Variants in MAD1L1 observed in about 807,000 individuals in gnomAD.
MAD1L1 encodes mitotic arrest deficient 1 like 1, also known as mitotic spindle assembly checkpoint protein MAD1.
MAD1L1 carries 95 observed loss-of-function variants against 96.9 expected under a neutral mutation model. The observed-to-expected ratio is 0.98, with a 90% CI of 0.83 to 1.16. The LOEUF is 1.16. MAD1L1 is among the 50% of genes most tolerant of loss of function. The pLI, the probability that MAD1L1 is intolerant of heterozygous loss-of-function variation, is 0.00. For synonymous variants in MAD1L1, 473 were observed against 396.6 expected (o/e 1.19, Z -2.29); for missense variants, 1,007 against 954.4 (o/e 1.06, Z -0.73).
chr7:1,837,427 C>G (rs1386315325), intron 18 of MAD1L1, among the ~76,000 whole-genome samples: 1 of 152,140 alleles, frequency 6.6e-6, no homozygotes, highest in Admixed American at 6.5e-5. Context: ...GTACACTGAC[C>G]ACACAATCAA....
chr7:1,900,094 C>G (rs1312660784), intron 17 of MAD1L1, among the ~76,000 whole-genome samples: 1 of 152,188 alleles, frequency 6.6e-6, no homozygotes, highest in Non-Finnish European at 1.5e-5. Flanking sequence ...CGCTGGGCAC[C>G]CCCGATGGCG....
intron 17 of MAD1L1, among the ~76,000 whole-genome samples, chr7:1,902,793 A>C (rs1473186959): frequency 6.6e-6 from 1 of 152,102 alleles, no homozygotes; most frequent in Non-Finnish European, 1.5e-5. Flanking sequence ...ATCTTGCGGA[A>C]CTCATGATTG....
At chr7:1,853,948 A>T (rs1455991105) in intron 18 of MAD1L1, among the ~76,000 whole-genome samples, 1 of 152,234 alleles carries the variant, frequency 6.6e-6, no homozygotes, top group Non-Finnish European at 1.5e-5. Context: ...TTGGTCATTT[A>T]TCAGGCTAAT....
intron 18 of MAD1L1, among the ~76,000 whole-genome samples, chr7:1,891,999 C>CCCT (rs1454405923): frequency 6.6e-6 from 1 of 152,206 alleles, no homozygotes; most frequent in Admixed American, 6.5e-5. Flanking sequence ...CACTCACTCA[C>CCCT]CCTCATTCAC....
At chr7:1,829,684 G>A (rs1309762113) in intron 18 of MAD1L1, 1 of 147,314 alleles carries the variant, frequency 6.8e-6, no homozygotes, top group Non-Finnish European at 1.5e-5. Flanking sequence ...AGTGTAAACT[G>A]AGAGATCTGA....
rs1255450043 is a variant in MAD1L1, at chr7:2,142,497, C to T, written c.1073+6655G>A. 1.3e-5 allele frequency among the ~76,000 whole-genome samples: 2 copies of T among 152,234 alleles called. No individual in the cohort carries two copies. Among genetic ancestry groups the T allele is most frequent in the African/African-American group, 2.4e-5 (1 of 41,456 alleles). On this transcript the variant is annotated intron_variant, in intron 11 of 18. Transcript: ENST00000265854. The surrounding 1 kb of genome is among the most constrained non-coding windows in gnomAD (Gnocchi z 4.7). ...ACAGGAGCAGGATACAGACAGATCA[C>T]GCGGGTTCTCTGCTGCCGGACGGAG...
chr7:2,065,765 C>G (rs997956779), intron 12 of MAD1L1, among the ~76,000 whole-genome samples: 11 of 152,316 alleles, frequency 7.2e-5, no homozygotes, highest in African/African-American at 1.2e-4. Context: ...ACTGCTCCCC[C>G]CAAGCCTGGG....
chr7:1,929,169 C>T (rs1789280507), intron 17 of MAD1L1, among the ~76,000 whole-genome samples: 1 of 152,038 alleles, frequency 6.6e-6, no homozygotes. Flanking sequence ...TCCCGGGCCT[C>T]CCCTCTTTTC....
At chr7:2,050,122 T>C (rs4719408) in intron 12 of MAD1L1, among the ~76,000 whole-genome samples, 130 of 11,950 alleles carry the variant, frequency 0.011, 12 homozygotes, top group East Asian at 0.024. Context: ...CACACGTTCA[T>C]GGGGCACCTC....
chr7:1,898,458 C>T, intron 17 of MAD1L1, 68 bp from the exon 18 acceptor site: 1 of 1,450,604 alleles, frequency 6.9e-7, no homozygotes, highest in South Asian at 1.2e-5. Context: ...CCGGGAGCGG[C>T]CAGGGCAGGG....
chr7:2,150,056 T>C (rs1015164723), intron 10 of MAD1L1, among the ~76,000 whole-genome samples: 1 of 152,122 alleles, frequency 6.6e-6, no homozygotes, highest in Non-Finnish European at 1.5e-5. Context: ...CAGGTCCACA[T>C]AGAAAGCAGG....
chr7:1,887,831 GTATGTGGCGT>G (rs1407527244), intron 18 of MAD1L1, among the ~76,000 whole-genome samples: 1 of 48,380 alleles, frequency 2.1e-5, no homozygotes, highest in Non-Finnish European at 3.7e-5. Flanking sequence ...ATGTGTGCAT[GTATGTGGCGT>G]CCTGTGCGTG....
chr7:2,010,665 A>G (rs892812751), intron 13 of MAD1L1, among the ~76,000 whole-genome samples: 1 of 152,250 alleles, frequency 6.6e-6, no homozygotes, highest in Non-Finnish European at 1.5e-5. Context: ...GAATGAAAAC[A>G]TGGTCCAGAT....
At chr7:2,221,127 C>CTTT in intron 5 of MAD1L1, 1 of 1,079,032 alleles carries the variant, frequency 9.3e-7, no homozygotes, top group Non-Finnish European at 1.3e-6. Flanking sequence ...GCACCTGCAG[C>CTTT]GCCACCATCT....
At chr7:2,090,423 G>A (rs1269204348) in intron 11 of MAD1L1, among the ~76,000 whole-genome samples, 1 of 152,234 alleles carries the variant, frequency 6.6e-6, no homozygotes. Flanking sequence ...TAGGTGTACA[G>A]AAAAGTTGTC....
chr7:2,222,823 C>A, intron 4 of MAD1L1, 69 bp from the exon 5 acceptor site: 1 of 1,276,274 alleles, frequency 7.8e-7, no homozygotes, highest in Non-Finnish European at 1.1e-6. Flanking sequence ...CCCTCACCCC[C>A]ACACCTCTCT....
chr7:2,137,940 G>A (rs541526361), intron 11 of MAD1L1, among the ~76,000 whole-genome samples: 24 of 152,282 alleles, frequency 1.6e-4, no homozygotes, highest in African/African-American at 4.1e-4. Flanking sequence ...GTGCCATGTC[G>A]GATAACTATG....
Position 1,936,905 on chromosome 7 carries a change from A to G in MAD1L1, c.1597-8T>C. The stretch of plus-strand genomic sequence containing the variant: ...GCTCTGGTCATAGTCACCCTGCAGG[A>G]ACACACACAGCACAGGTCACCATGG... On this transcript the variant is annotated splice_region_variant and splice_polypyrimidine_tract_variant and intron_variant, in intron 16 of 18. Coordinates refer to ENST00000265854, the MANE Select transcript of MAD1L1 (RefSeq NM_001013836.2). The G allele has an allele frequency of 6.3e-7, 1 of 1,581,782 alleles. No individual in the cohort carries two copies. Among genetic ancestry groups the G allele is most frequent in the East Asian group, 2.3e-5 (1 of 43,690 alleles).
At chr7:2,100,711 C>G (rs73038445) in intron 11 of MAD1L1, among the ~76,000 whole-genome samples, 4,122 of 152,372 alleles carry the variant, frequency 0.027, 96 homozygotes, top group South Asian at 0.09. Context: ...CAGGTCCTGG[C>G]CGCAAATCAT....
Sources: allele counts gnomAD v4.1 joint callset (sites outside exome capture counted in the v4.1 genomes callset), GRCh38; gene constraint gnomAD v4.1.1; non-coding constraint Gnocchi (gnomAD v3.1); transcripts MANE v1.5; gene names NCBI Gene and HGNC (gene_info 2026-07-23, HGNC 2026-07-21).